Variants in DMD observed in about 807,000 individuals in gnomAD.
DMD encodes mutant dystrophin.
In DMD, 63 loss-of-function variants were observed where a neutral mutation model predicts 330.1. The ratio of observed to expected loss-of-function variants is 0.19; its 90% CI spans 0.16 to 0.24. The LOEUF (loss-of-function observed/expected upper bound fraction) is 0.24. Among genes scored for constraint, DMD ranks in the 10% least tolerant of loss-of-function variants. DMD has a pLI of 1.00. For synonymous variants in DMD, 1,223 were observed against 959.8 expected (o/e 1.27, Z -5.07); for missense variants, 3,344 against 2,684.1 (o/e 1.25, Z -5.43).
intron 78 of DMD, among the ~76,000 whole-genome samples, chrX:31,122,657 C>G (rs776379483): frequency 8.9e-6 from 1 of 111,847 alleles, no homozygotes; most frequent in African/African-American, 3.2e-5. Context: ...CCAAATTACT[C>G]TAGACCCTAA....
chrX:32,575,694 G>GA (rs1484727381), intron 13 of DMD, among the ~76,000 whole-genome samples: 1 of 111,801 alleles, frequency 8.9e-6, no homozygotes, highest in Non-Finnish European at 1.9e-5. Context: ...AGTTGTGGGA[G>GA]AAAAAAGCTT....
At chrX:32,669,235 CACTTAT>C (rs1411189087) in intron 9 of DMD, among the ~76,000 whole-genome samples, 19 of 111,612 alleles carry the variant, frequency 1.7e-4, no homozygotes, top group African/African-American at 6.2e-4. Context: ...TTGTTTTCCA[CACTTAT>C]ACTTAAAAAT....
chrX:32,547,939 TA>T (rs1226780910), intron 16 of DMD, among the ~76,000 whole-genome samples: 2 of 111,839 alleles, frequency 1.8e-5, no homozygotes, highest in African/African-American at 6.5e-5. Flanking sequence ...ATATCATTTC[TA>T]CCTGATATTC....
chrX:32,974,413 T>C (rs1417181997), intron 2 of DMD, among the ~76,000 whole-genome samples: 2 of 111,351 alleles, frequency 1.8e-5, no homozygotes, highest in Non-Finnish European at 3.8e-5. Flanking sequence ...AAACACTGAA[T>C]TGTACACTTC....
chrX:32,579,717 T>C (rs2053449197), intron 13 of DMD, among the ~76,000 whole-genome samples: 2 of 113,033 alleles, frequency 1.8e-5, no homozygotes, highest in Admixed American at 1.9e-4. Flanking sequence ...CTGTATTTGT[T>C]TAATCATAAA....
chrX:32,075,877 C>T (rs1364335601), intron 44 of DMD, among the ~76,000 whole-genome samples: 3 of 106,829 alleles, frequency 2.8e-5, no homozygotes, highest in South Asian at 4.2e-4. Context: ...GGTGAAACCC[C>T]GTCTCCACTA....
chrX:33,054,660 T>C (rs749709988), intron 1 of DMD, among the ~76,000 whole-genome samples: 4 of 112,248 alleles, frequency 3.6e-5, no homozygotes, highest in African/African-American at 1.3e-4. Flanking sequence ...GAATATGCTT[T>C]TTAAAACATT....
chrX:33,009,093 C>T (rs1284296543), intron 2 of DMD, among the ~76,000 whole-genome samples: 5 of 24,984 alleles, frequency 2.0e-4, no homozygotes, highest in African/African-American at 5.7e-4. Flanking sequence ...TGTATATATA[C>T]GTATATATGT....
chrX:32,467,631 CGT>C (rs1491375306), intron 23 of DMD, among the ~76,000 whole-genome samples: 22 of 63,417 alleles, frequency 3.5e-4, no homozygotes, highest in Admixed American at 8.6e-4. Flanking sequence ...CCATTATACA[CGT>C]ATATATATAT....
At chrX:31,910,147 T>C (rs955017167) in intron 47 of DMD, among the ~76,000 whole-genome samples, 1 of 112,523 alleles carries the variant, frequency 8.9e-6, no homozygotes. Context: ...ATGAAATGTC[T>C]CTCTTTTCTT....
At chrX:31,709,817 G>T (rs996947079) in intron 52 of DMD, among the ~76,000 whole-genome samples, 25 of 110,813 alleles carry the variant, frequency 2.3e-4, no homozygotes, top group Non-Finnish European at 4.3e-4. Context: ...CTATGTCTAT[G>T]CACTTATCTG....
intron 62 of DMD, among the ~76,000 whole-genome samples, chrX:31,304,989 A>AT (rs752842363): frequency 7.2e-5 from 8 of 110,829 alleles, no homozygotes; most frequent in Admixed American, 9.6e-5. Flanking sequence ...TTGACAAGCA[A>AT]TTTTTTTTTG....
At chrX:32,591,512 C>A (rs987257633) in intron 13 of DMD, among the ~76,000 whole-genome samples, 1 of 111,985 alleles carries the variant, frequency 8.9e-6, no homozygotes, top group African/African-American at 3.2e-5. Context: ...TTTTTTCATG[C>A]AAGTTTTTAT....
intron 55 of DMD, among the ~76,000 whole-genome samples, chrX:31,627,259 T>A (rs948558300): frequency 7.1e-5 from 8 of 112,893 alleles, no homozygotes; most frequent in Non-Finnish European, 1.5e-4. Flanking sequence ...TTGAAAGTAA[T>A]GAAGGGAAAC....
intron 44 of DMD, among the ~76,000 whole-genome samples, chrX:32,104,741 T>C (rs1215854267): frequency 1.8e-5 from 2 of 111,908 alleles, no homozygotes; most frequent in Non-Finnish European, 3.8e-5. Context: ...CTTGCGCCTA[T>C]GTTAAGAATC....
At chrX:32,335,942 C>T (rs5972536) in intron 41 of DMD, among the ~76,000 whole-genome samples, 2,160 of 102,183 alleles carry the variant, frequency 0.021, 83 homozygotes, top group East Asian at 0.069. Flanking sequence ...AACGTGTATA[C>T]GTGTATGTTA....
At chrX:31,831,754 A>T (rs987391406) in intron 49 of DMD, among the ~76,000 whole-genome samples, 3 of 110,293 alleles carry the variant, frequency 2.7e-5, no homozygotes, top group Admixed American at 1.9e-4. Flanking sequence ...GCCTGCCACC[A>T]AGCCCGGCTA....
At chrX:32,559,541 C>T (rs563470784) in intron 16 of DMD, among the ~76,000 whole-genome samples, 1 of 111,297 alleles carries the variant, frequency 9.0e-6, no homozygotes, top group African/African-American at 3.3e-5. Flanking sequence ...AAACCATTTG[C>T]AACTATATCC....
intron 44 of DMD, among the ~76,000 whole-genome samples, chrX:32,021,217 AC>A (rs1296584701): frequency 2.7e-5 from 3 of 112,000 alleles, no homozygotes; most frequent in African/African-American, 9.7e-5. Context: ...AATGAGTTGC[AC>A]ATTGATGAAC....
Sources: gnomAD v4.1 joint callset for allele counts (sites outside exome capture counted in the v4.1 genomes callset) on GRCh38, gnomAD v4.1.1 for gene constraint, MANE v1.5 for transcripts, NCBI Gene and HGNC (gene_info 2026-07-23, HGNC 2026-07-21) for gene names.